GOSR2: variants seen among roughly 807,000 people sequenced by gnomAD.
The protein encoded by GOSR2 is golgi SNAP receptor complex member 2, also known as 27 kDa Golgi SNARE protein.
Under a neutral mutation model 27.9 loss-of-function variants are expected in GOSR2, and 20 were observed. That is an observed-to-expected ratio of 0.72 (90% confidence interval 0.50 to 1.04). GOSR2 has a LOEUF of 1.04. Ranked by LOEUF, GOSR2 falls within the 50% of genes least tolerant of loss-of-function variation. The pLI, the probability that GOSR2 is intolerant of heterozygous loss-of-function variation, is 0.00. For synonymous variants in GOSR2, 91 were observed against 98.8 expected (o/e 0.92, Z 0.47); for missense variants, 261 against 270.5 (o/e 0.97, Z 0.25).
At chr17:46,936,825 A>G in intron 5 of GOSR2, 1 of 984,962 alleles carries the variant, frequency 1.0e-6, no homozygotes, top group Non-Finnish European at 1.2e-6. Context: ...GATGGCAATG[A>G]AGTTTGACTT....
At chr17:46,936,760 T>TA (rs2088447663) in intron 5 of GOSR2, 1 of 983,624 alleles carries the variant, frequency 1.0e-6, no homozygotes, top group Non-Finnish European at 1.2e-6. Context: ...AAGAGTCTGA[T>TA]TGTATTGTCA....
chr17:46,940,719 G>A lies in GOSR2; in HGVS notation c.*1959G>A. 1 of 1,600,566 alleles carries A rather than the reference G, an allele frequency of 6.2e-7. No homozygotes were observed. The highest frequency in any genetic ancestry group is 8.5e-7 in the Non-Finnish European group (1 of 1,176,756). On this transcript the variant is annotated 3_prime_UTR_variant, in exon 6 of 6. Coordinates refer to ENST00000640051, the MANE Select transcript of GOSR2 (RefSeq NM_004287.5). ...GCACCAGTGCTTTCCACACTTGACA[G>A]TGGTTGGCTTTGATGAACCCTCATG...
Position 46,941,158 on chromosome 17 carries a change from T to G in GOSR2, c.*2398T>G. 2.0e-6 allele frequency: 2 copies of G among 1,007,886 alleles called. No individual in the cohort carries two copies. Among genetic ancestry groups the G allele is most frequent in the Non-Finnish European group, 2.4e-6 (2 of 842,058 alleles). 62.4% of individuals were successfully genotyped at this position (1,007,886 alleles called of 1,614,324 possible). ...TGAGATCTCTTTATTACATGGACAT[T>G]TACTTCAGGGGGACCACTGTAAGAA... On this transcript the variant is annotated 3_prime_UTR_variant, in exon 6 of 6. Coordinates refer to ENST00000640051, the MANE Select transcript of GOSR2 (RefSeq NM_004287.5).
Position 46,940,104 on chromosome 17 carries a change from G to A in GOSR2, c.*1344G>A. 6.9e-6 allele frequency: 8 copies of A among 1,167,674 alleles called. No individual in the cohort carries two copies. Among genetic ancestry groups the A allele is most frequent in the Non-Finnish European group, 8.5e-6 (8 of 942,802 alleles). 72.3% of individuals were successfully genotyped at this position (1,167,674 alleles called of 1,614,324 possible). On this transcript the variant is annotated 3_prime_UTR_variant, in exon 6 of 6. Transcript: ENST00000640051. ...TTCTGTCTTATTTCCCTTCCTTTCT[G>A]TGTTCCTCTTCACCTCTCTTGTTCC...
At chr17:46,972,061 A>G (rs2091398498) in intron 6 of GOSR2, among the ~76,000 whole-genome samples, 2 of 148,636 alleles carry the variant, frequency 1.3e-5, no homozygotes, top group Admixed American at 6.8e-5. Flanking sequence ...CTCAACCATA[A>G]TCACCCTCAG....
At chr17:46,962,328 CA>C (rs3048523) in intron 6 of GOSR2, among the ~76,000 whole-genome samples, 218 of 139,288 alleles carry the variant, frequency 1.6e-3, no homozygotes, top group Middle Eastern at 3.7e-3. Flanking sequence ...GACTCCATCT[CA>C]AAAAAAAAAA....
intron 5 of GOSR2, among the ~76,000 whole-genome samples, chr17:46,938,398 C>T (rs1198871536): frequency 2.0e-5 from 3 of 152,122 alleles, no homozygotes; most frequent in African/African-American, 7.2e-5. Context: ...TTTCTTTCCA[C>T]TTAGCGTTGC....
downstream of GOSR2, among the ~76,000 whole-genome samples, chr17:46,969,674 G>T (rs2091371152): frequency 6.6e-6 from 1 of 152,216 alleles, no homozygotes; most frequent in Non-Finnish European, 1.5e-5. Context: ...GTGGATAAAT[G>T]CCTTAAACAC....
At chr17:46,963,384 A>C (rs918888212) in intron 6 of GOSR2, among the ~76,000 whole-genome samples, 3 of 152,124 alleles carry the variant, frequency 2.0e-5, no homozygotes, top group African/African-American at 7.2e-5. Flanking sequence ...ATCTCTACTA[A>C]AAATAAAAAA....
chr17:46,931,358 T>C, intron 3 of GOSR2, 151 bp downstream of exon 3: 1 of 670,836 alleles, frequency 1.5e-6, no homozygotes, highest in Non-Finnish European at 2.7e-6. Flanking sequence ...AAGGGCACAA[T>C]TCTATCTGAG....
chr17:46,940,477 A>G lies in GOSR2; in HGVS notation c.*1717A>G. ...TTACACACAGCACTGCTGCGGTGCCAGGGACCTAGCGCAGGACTTTTGGTA... is the reference window on the plus strand; with the variant it reads ...TTACACACAGCACTGCTGCGGTGCCGGGGACCTAGCGCAGGACTTTTGGTA... On this transcript the variant is annotated 3_prime_UTR_variant, in exon 6 of 6. Coordinates refer to ENST00000640051, the MANE Select transcript of GOSR2 (RefSeq NM_004287.5). The G allele has an allele frequency of 6.2e-7, 1 of 1,612,500 alleles. No homozygotes were observed.
chr17:46,966,945 G>C (rs570207446), exon 7 of GOSR2: 2 of 376,020 alleles, frequency 5.3e-6, no homozygotes, highest in Non-Finnish European at 9.4e-6. Flanking sequence ...TAGAGAAAAT[G>C]CTCACCTTCT....
chr17:46,958,349 A>G (rs536545884), intron 6 of GOSR2, among the ~76,000 whole-genome samples: 1 of 152,356 alleles, frequency 6.6e-6, no homozygotes, highest in East Asian at 1.9e-4. Context: ...AATTACCCAA[A>G]AATCCACTCC....
At chr17:46,938,223 G>C (rs1368060000) in intron 5 of GOSR2, among the ~76,000 whole-genome samples, 8 of 151,944 alleles carry the variant, frequency 5.3e-5, no homozygotes, top group Non-Finnish European at 8.8e-5. Context: ...TGTGGCTTTA[G>C]CTTTTATGTT....
chr17:46,935,062 C>T lies in GOSR2; in HGVS notation c.370C>T (p.Leu124=). 6 of 1,611,902 alleles carry T rather than the reference C, an allele frequency of 3.7e-6. No individual in the cohort carries two copies. The highest frequency in any genetic ancestry group is 5.1e-6 in the Non-Finnish European group (6 of 1,177,922). Residue 124 remains leucine (L), a synonymous_variant, in exon 5 of 6, where the codon CTG becomes TTG. Coordinates refer to ENST00000640051, the MANE Select transcript of GOSR2 (RefSeq NM_004287.5). Reference sequence around the variant, plus strand: ...CACCACCATACCAATGGACGAATCACTGCAGTTTAACTCCTCCCTCCAGAA... The same window carrying T: ...CACCACCATACCAATGGACGAATCATTGCAGTTTAACTCCTCCCTCCAGAA... The part of the protein sequence containing the change: ...SDTTIPMDES[L]QFNSSLQKVH...
chr17:46,931,016 G>T, intron 2 of GOSR2, 83 bp from the exon 3 acceptor site: 1 of 801,600 alleles, frequency 1.2e-6, no homozygotes, highest in Non-Finnish European at 2.2e-6. Flanking sequence ...ATTGGATATT[G>T]AAAAAAAAAT....
Position 46,966,688 on chromosome 17 carries a change from G to T in GOSR2, c.738G>T (p.Trp246Cys), listed in dbSNP as rs1289355213. Residue 246 changes from tryptophan (W) to cysteine (C), a missense_variant, in exon 7 of 7, where the codon TGG becomes TGT. Physicochemically the swap from Trp to Cys is radical, Grantham distance 215. Coordinates refer to the GOSR2 transcript ENST00000573224. ...AACTCAGGCTTGGATTTGAACTCTG[G>T]TTCTATCAACTATTAGCTGTGATTT... 45 of 524,022 alleles carry T rather than the reference G, an allele frequency of 8.6e-5. 1 individual carries two copies. The highest frequency in any genetic ancestry group is 1.0e-5 in the Non-Finnish European group (3 of 293,286). 32.5% of individuals were successfully genotyped at this position (524,022 alleles called of 1,614,324 possible).
intron 6 of GOSR2, among the ~76,000 whole-genome samples, chr17:46,965,910 C>T (rs1000816071): frequency 3.3e-5 from 5 of 151,682 alleles, no homozygotes; most frequent in South Asian, 2.1e-4. Flanking sequence ...GGATTACAGA[C>T]GTGAGCCACT....
At chr17:46,926,331 T>TG (rs2086491763) in intron 1 of GOSR2, among the ~76,000 whole-genome samples, 1 of 152,116 alleles carries the variant, frequency 6.6e-6, no homozygotes, top group African/African-American at 2.4e-5. Flanking sequence ...ATGTTCATCA[T>TG]GGTCAGAGGC....
Sources: gnomAD v4.1 joint callset for allele counts (sites outside exome capture counted in the v4.1 genomes callset) on GRCh38, gnomAD v4.1.1 for gene constraint, MANE v1.5 for transcripts, NCBI Gene and HGNC (gene_info 2026-07-23, HGNC 2026-07-21) for gene names.